Variants in DENND6A observed in about 807,000 individuals in gnomAD.
DENND6A encodes protein DENND6A.
In DENND6A, 43 loss-of-function variants were observed where a neutral mutation model predicts 95.5. The observed-to-expected ratio is 0.45, with a 90% confidence interval of 0.35 to 0.58. The LOEUF (loss-of-function observed/expected upper bound fraction) is 0.58, where lower values mean the gene tolerates loss of function less well. Among genes scored for constraint, DENND6A ranks in the 20% least tolerant of loss-of-function variants. The pLI is 0.00. For synonymous variants in DENND6A, 257 were observed against 260.4 expected (o/e 0.99, Z 0.13); for missense variants, 574 against 736.0 (o/e 0.78, Z 2.55).
At chr3:57,656,777 T>C (rs2071335186) in intron 9 of DENND6A, among the ~76,000 whole-genome samples, 1 of 152,106 alleles carries the variant, frequency 6.6e-6, no homozygotes, top group East Asian at 1.9e-4. Flanking sequence ...GACAACATGG[T>C]GAAACCCCAT....
At chr3:57,649,330 C>T (rs1228410748) in intron 9 of DENND6A, among the ~76,000 whole-genome samples, 2 of 151,918 alleles carry the variant, frequency 1.3e-5, no homozygotes, top group African/African-American at 2.4e-5. Flanking sequence ...GCAAGAATAG[C>T]CATAATCAAA....
In DENND6A at chr3:57,692,870, C is replaced by A; in HGVS notation, c.149G>T (p.Arg50Leu). ...EDDEEDDGRG[R>L]GLLRWDSFSA... ...GAAGCTGTCCCAGCGCAGCAGGCCCCGGCCACGGCCATCGTCCTCTTCATC... is the reference window on the plus strand; with the variant it reads ...GAAGCTGTCCCAGCGCAGCAGGCCCAGGCCACGGCCATCGTCCTCTTCATC... Residue 50 changes from arginine (R) to leucine (L), a missense_variant, in exon 1 of 20, where the codon CGG (arginine) becomes CTG (leucine). Transcript: ENST00000311128. The A allele has an allele frequency of 6.3e-7, 1 of 1,585,158 alleles. No individual in the cohort carries two copies. Among genetic ancestry groups the A allele is most frequent in the Non-Finnish European group, 8.5e-7 (1 of 1,169,806 alleles).
chr3:57,680,976 G>A (rs1204187341), intron 1 of DENND6A, among the ~76,000 whole-genome samples: 3 of 152,158 alleles, frequency 2.0e-5, no homozygotes, highest in African/African-American at 7.2e-5. Flanking sequence ...AACAGTTATG[G>A]AAGTTTCTCA....
In DENND6A at chr3:57,659,112, C is replaced by T. The variant is rs556237593; in HGVS notation, c.762+6G>A. On this transcript the variant is annotated splice_donor_region_variant and intron_variant, in intron 8 of 19. Transcript: ENST00000311128. Reference sequence around the variant, plus strand: ...GCTGGATCATTCTACCATAGTACCACACTACCTGCTGAGTTAACTGCACTA... The same window carrying T: ...GCTGGATCATTCTACCATAGTACCATACTACCTGCTGAGTTAACTGCACTA... 1 of 1,613,946 alleles carries T rather than the reference C, an allele frequency of 6.2e-7. No individual in the cohort carries two copies. The highest frequency in any genetic ancestry group is 8.5e-7 in the Non-Finnish European group (1 of 1,179,916).
intron 1 of DENND6A, among the ~76,000 whole-genome samples, chr3:57,683,962 A>G (rs1374120502): frequency 6.6e-6 from 1 of 151,764 alleles, no homozygotes; most frequent in Admixed American, 6.6e-5. Flanking sequence ...AGACCAGTCT[A>G]GCCAAGATGG....
rs2077159393 is a variant in DENND6A at position 57,681,062 on chromosome 3, C to T, written c.238-8624G>A. The stretch of plus-strand genomic sequence containing the variant: ...TATATATCCAAGAAAAGTGAAAACA[C>T]ATGTTCACACAAAAACTCGTACACA... On this transcript the variant is annotated intron_variant, in intron 1 of 19. Transcript: ENST00000311128. Among the ~76,000 whole-genome samples, 3 of 152,172 alleles carry T rather than the reference C, an allele frequency of 2.0e-5. No individual in the cohort carries two copies. In the South Asian group the frequency reaches 6.2e-4, roughly 32 times the overall value.
In DENND6A at chr3:57,646,318, A is replaced by T. The variant is rs2071079370; in HGVS notation, c.939T>A (p.Val313=). Residue 313 remains valine (V), a splice_region_variant and synonymous_variant, in exon 10 of 20, where the codon GTT becomes GTA. Coordinates refer to ENST00000311128, the MANE Select transcript of DENND6A (RefSeq NM_152678.3). ...AAATAGTAACCAAATAGACTCACTT[A>T]ACAAGTGCCAATACAGTCTCTGATG... The part of the protein sequence containing the change: ...SESSETVLAL[V]NCISPLKYFS... 1 of 1,608,320 alleles carries T rather than the reference A, an allele frequency of 6.2e-7. No homozygotes were observed. The highest frequency in any genetic ancestry group is 1.7e-5 in the Admixed American group (1 of 58,776).
At chr3:57,651,250 A>C (rs936307165) in intron 9 of DENND6A, among the ~76,000 whole-genome samples, 13 of 152,248 alleles carry the variant, frequency 8.5e-5, no homozygotes, top group African/African-American at 3.1e-4. Flanking sequence ...GCCCATTGTA[A>C]ACTGAAAATA....
Position 57,627,565 on chromosome 3 carries a change from AAATC to A in DENND6A, c.*645_*648del, listed in dbSNP as rs1169587654. On this transcript the variant is annotated 3_prime_UTR_variant, in exon 20 of 20. Coordinates refer to ENST00000311128, the MANE Select transcript of DENND6A (RefSeq NM_152678.3). ...TTGAAAATGGAAGGGAAAATAATGAAAATCTATATGACAACTGAAAAAAACCCAT... is the reference window on the plus strand; with the variant it reads ...TTGAAAATGGAAGGGAAAATAATGAATATATGACAACTGAAAAAAACCCAT... The A allele has an allele frequency of 6.6e-6, 1 of 152,262 alleles. No homozygotes were observed. The highest frequency in any genetic ancestry group is 6.5e-5 in the Admixed American group (1 of 15,276). The allele number at this position is 152,262 out of a possible 1,614,324, so 9.4% of individuals were successfully genotyped here.
chr3:57,630,479 C>T lies in DENND6A; in HGVS notation c.1562G>A (p.Arg521Gln), dbSNP rs781356154. 22 of 1,594,696 alleles carry T rather than the reference C, an allele frequency of 1.4e-5. No homozygotes were observed. Among genetic ancestry groups the T allele is most frequent in the East Asian group, 9.0e-5 (4 of 44,660 alleles). The change falls in exon 18 of 20, where the codon CGG (arginine) becomes CAG (glutamine). Residue 521 changes from arginine (R) to glutamine (Q), a missense_variant. By Grantham distance (43) the Arg-to-Gln change is conservative (BLOSUM62 1). Around this residue, in one of 2 missense-constraint regions of DENND6A, gnomAD observed 452 missense variants for 630.9 expected, o/e 0.72. Transcript: ENST00000311128. ...CAATTTTTGGGTCATTTCCTTCCTC[C>T]GGGTCTTAAACCAGCCATCAAAATT... ...SPNFDGWFKT[R>Q]RKEMTQKLEA...
intron 1 of DENND6A, chr3:57,679,727 T>C (rs538544440): frequency 9.4e-6 from 2 of 211,856 alleles, no homozygotes; most frequent in East Asian, 1.9e-4. Flanking sequence ...AAGGTGAGCC[T>C]GAAGAAGTAA....
chr3:57,628,130 A>C lies in DENND6A; in HGVS notation c.*84T>G. The C allele has an allele frequency of 5.2e-6, 8 of 1,529,236 alleles. No homozygotes were observed. Among genetic ancestry groups the C allele is most frequent in the South Asian group, 1.3e-5 (1 of 78,168 alleles). 94.7% of individuals were successfully genotyped at this position (1,529,236 alleles called of 1,614,324 possible). A position where few individuals can be genotyped will look rare whatever the true frequency, so the allele number is the denominator to read the frequency against. ...GCAATTTTCCACTCCGCTGCCACTG[A>C]GAGATCTCCTTTGTGCGTCTGGTTG... On this transcript the variant is annotated 3_prime_UTR_variant, in exon 20 of 20. Coordinates refer to ENST00000311128, the MANE Select transcript of DENND6A (RefSeq NM_152678.3).
intron 1 of DENND6A, among the ~76,000 whole-genome samples, chr3:57,684,190 G>A (rs893958800): frequency 1.2e-4 from 17 of 144,684 alleles, no homozygotes; most frequent in Non-Finnish European, 1.9e-4. Flanking sequence ...GGCCAGGCAC[G>A]GTGGCCCATG....
In DENND6A at chr3:57,666,182, T is replaced by C; in HGVS notation, c.373A>G (p.Arg125Gly). Residue 125 changes from arginine to glycine, a missense_variant, in exon 4 of 20, where the codon AGG becomes GGG. By Grantham distance (125) the Arg-to-Gly change is moderately radical. This residue lies in a region of DENND6A where 452 missense variants were observed against 630.9 expected (regional missense o/e 0.72). Transcript: ENST00000311128. ...TCCAGGAGACAATGCAGCGACACCCTCCTCCCAGAAGACTGTCGAAATCTA... is the reference window on the plus strand; with the variant it reads ...TCCAGGAGACAATGCAGCGACACCCCCCTCCCAGAAGACTGTCGAAATCTA... ...CFRFRQSSGR[R>G]VSLHCLLDQF... is the part of the protein sequence containing the mutation. 1.2e-6 allele frequency: 2 copies of C among 1,613,950 alleles called. No individual in the cohort carries two copies. Among genetic ancestry groups the C allele is most frequent in the Non-Finnish European group, 1.7e-6 (2 of 1,179,900 alleles).
chr3:57,661,994 G>C (rs927561261), intron 5 of DENND6A, among the ~76,000 whole-genome samples: 1 of 151,346 alleles, frequency 6.6e-6, no homozygotes, highest in African/African-American at 2.4e-5. Flanking sequence ...CTTATGGTTT[G>C]ATCATTTCAG....
chr3:57,665,261 A>G (rs2071508761), intron 4 of DENND6A, among the ~76,000 whole-genome samples: 1 of 152,182 alleles, frequency 6.6e-6, no homozygotes, highest in Admixed American at 6.5e-5. Flanking sequence ...TATAATATAT[A>G]TGTACACTTT....
chr3:57,661,572 A>G, intron 5 of DENND6A, 21 bp from the exon 6 acceptor site: 2 of 1,539,064 alleles, frequency 1.3e-6, no homozygotes, highest in Non-Finnish European at 8.7e-7. Context: ...AACAAAAACA[A>G]TGTTTTAAAA....
In DENND6A at chr3:57,660,845, AAATAT is replaced by A; in HGVS notation, c.620-11_620-7del. 6.4e-7 allele frequency: 1 copy of A among 1,570,088 alleles called. No individual in the cohort carries two copies. Among genetic ancestry groups the A allele is most frequent in the South Asian group, 1.2e-5 (1 of 82,776 alleles). On this transcript the variant is annotated splice_region_variant and splice_polypyrimidine_tract_variant and intron_variant, in intron 6 of 19. Transcript: ENST00000311128. The stretch of plus-strand genomic sequence containing the variant: ...TCGATCAACATCATTACAAGCTGAA[AAATAT>A]AATAAAATATTTTCTTAGAATAAGT...
At chr3:57,686,089 A>C (rs947276909) in intron 1 of DENND6A, among the ~76,000 whole-genome samples, 3 of 152,238 alleles carry the variant, frequency 2.0e-5, no homozygotes, top group Non-Finnish European at 4.4e-5. Context: ...TCTTATGATA[A>C]GAAGAACAAA....
Sources: gnomAD v4.1 joint callset for allele counts (sites outside exome capture counted in the v4.1 genomes callset) on GRCh38, gnomAD v4.1.1 for gene constraint, gnomAD v4.1.1 regional missense constraint, MANE v1.5 for transcripts, NCBI Gene and HGNC (gene_info 2026-07-23, HGNC 2026-07-21) for gene names.